SLC2A13: variants seen among roughly 807,000 people sequenced by gnomAD.
SLC2A13 encodes solute carrier family 2 member 13, also known as proton myo-inositol cotransporter.
A neutral mutation model predicts 64.4 loss-of-function variants in SLC2A13; 32 were observed. The ratio of observed to expected loss-of-function variants is 0.50; its 90% CI spans 0.37 to 0.67. The LOEUF (loss-of-function observed/expected upper bound fraction) is 0.67. SLC2A13 is among the 30% of genes least tolerant of loss of function. SLC2A13 has a pLI of 0.00. For synonymous variants in SLC2A13, 338 were observed against 327.1 expected, an observed-to-expected ratio of 1.03 and a Z score of -0.36; for missense variants, 743 against 829.2, an observed-to-expected ratio of 0.90 and a Z score of 1.28.
chr12:39,880,901 T>A (rs1037810915), intron 4 of SLC2A13, among the ~76,000 whole-genome samples: 1 of 152,182 alleles, frequency 6.6e-6, no homozygotes, highest in Non-Finnish European at 1.5e-5. Flanking sequence ...ATTTGCCACA[T>A]TGACCTATTA....
intron 7 of SLC2A13, among the ~76,000 whole-genome samples, chr12:39,804,534 T>TTAACTTA (rs1941905392): frequency 2.0e-5 from 3 of 152,186 alleles, no homozygotes; most frequent in Non-Finnish European, 4.4e-5. Context: ...TATTCCCTGA[T>TTAACTTA]TTCTTAGCTT....
chr12:40,060,504 C>T (rs1317224277), intron 1 of SLC2A13, among the ~76,000 whole-genome samples: 1 of 151,958 alleles, frequency 6.6e-6, no homozygotes, highest in Non-Finnish European at 1.5e-5. Context: ...TGTTTTTTTG[C>T]TTTAGCTTTT....
intron 1 of SLC2A13, among the ~76,000 whole-genome samples, chr12:40,064,788 A>G (rs946272397): frequency 3.3e-5 from 5 of 152,156 alleles, no homozygotes; most frequent in African/African-American, 1.2e-4. Context: ...ATCACAGTGA[A>G]TCATTAGTTA....
chr12:40,048,063 T>C lies in SLC2A13; in HGVS notation c.704A>G (p.Lys235Arg). ...VVDGAFSYLQ[K>R]DGWRYMLGLA... The stretch of plus-strand genomic sequence containing the variant: ...AGTATTTACAAACCTCCATCCATCC[T>C]TCTGGAGATAACTGAAGGCTCCATC... The change falls in exon 2 of 10, where the codon AAG becomes AGG. Residue 235 changes from lysine to arginine, a missense_variant. Physicochemically the swap from Lys to Arg is conservative, Grantham distance 26. This residue lies in a region of SLC2A13 where 448 missense variants were observed against 447.4 expected (regional missense o/e 1.00). Coordinates refer to ENST00000280871, the MANE Select transcript of SLC2A13 (RefSeq NM_052885.4). 1.2e-6 allele frequency: 2 copies of C among 1,607,792 alleles called. No homozygotes were observed. The highest frequency in any genetic ancestry group is 1.7e-6 in the Non-Finnish European group (2 of 1,178,294).
intron 1 of SLC2A13, among the ~76,000 whole-genome samples, chr12:40,055,753 T>C (rs910573107): frequency 6.6e-6 from 1 of 152,160 alleles, no homozygotes; most frequent in Non-Finnish European, 1.5e-5. Flanking sequence ...TAATCACTCA[T>C]AGATAACCAC....
intron 6 of SLC2A13, among the ~76,000 whole-genome samples, chr12:39,853,593 C>A (rs1343095321): frequency 6.6e-6 from 1 of 150,488 alleles, no homozygotes; most frequent in Non-Finnish European, 1.5e-5. Flanking sequence ...TTCCTTCCTT[C>A]CTTTTCTTTC....
At chr12:39,831,995 T>C (rs1367124576) in intron 6 of SLC2A13, among the ~76,000 whole-genome samples, 1 of 152,112 alleles carries the variant, frequency 6.6e-6, no homozygotes, top group Non-Finnish European at 1.5e-5. Flanking sequence ...GTTTAAAAAT[T>C]AGATTTGTTA....
chr12:39,782,637 C>T (rs4768180), intron 7 of SLC2A13, among the ~76,000 whole-genome samples: 140,280 of 152,232 alleles, frequency 0.92, 65,128 homozygotes, highest in East Asian at 1. Context: ...AAAAGATACC[C>T]GAAAATGTGA....
chr12:39,816,545 G>A (rs898682439), intron 7 of SLC2A13, among the ~76,000 whole-genome samples: 8 of 149,554 alleles, frequency 5.3e-5, no homozygotes, highest in African/African-American at 1.2e-4. Flanking sequence ...AAACCTGCAC[G>A]TTGTGCACAT....
At chr12:40,043,860 A>T (rs1948132241) in intron 2 of SLC2A13, among the ~76,000 whole-genome samples, 1 of 152,190 alleles carries the variant, frequency 6.6e-6, no homozygotes, top group Non-Finnish European at 1.5e-5. Flanking sequence ...GTTTACTAGG[A>T]CATGGAAAAA....
rs200822447 is a variant in SLC2A13, at chr12:40,021,119, C to CT, written c.925+7181dup. Among the ~76,000 whole-genome samples, 366 of 152,304 alleles carry CT rather than the reference C, an allele frequency of 2.4e-3. 3 individuals carry two copies. Among genetic ancestry groups the CT allele is most frequent in the Admixed American group, 0.022 (337 of 15,300 alleles). ...AAAGCTTTGAAGTATTACCTATCTA[C>CT]TTACTAAGACAATCTGGATTCTCAG... is the stretch of plus-strand genomic sequence containing the variant. On this transcript the variant is annotated intron_variant, in intron 3 of 9. Coordinates refer to ENST00000280871, the MANE Select transcript of SLC2A13 (RefSeq NM_052885.4).
At chr12:39,874,644 C>T (rs1022187232) in intron 4 of SLC2A13, among the ~76,000 whole-genome samples, 2 of 145,130 alleles carry the variant, frequency 1.4e-5, no homozygotes, top group Non-Finnish European at 3.0e-5. Flanking sequence ...AGAATGCATA[C>T]AAATGAGAAG....
intron 7 of SLC2A13, among the ~76,000 whole-genome samples, chr12:39,820,715 A>C (rs1942470008): frequency 2.3e-5 from 1 of 43,392 alleles, no homozygotes; most frequent in Non-Finnish European, 4.4e-5. Context: ...AAATTTTTAA[A>C]TTTATATATA....
At chr12:39,820,701 G>A (rs1421745886) in intron 7 of SLC2A13, among the ~76,000 whole-genome samples, 1 of 65,798 alleles carries the variant, frequency 1.5e-5, no homozygotes, top group Non-Finnish European at 3.0e-5. Flanking sequence ...ATAATCTTCG[G>A]CTTAAATTTT....
chr12:40,054,680 TCACCATCTCAACAGCACA>T (rs1159312840), intron 1 of SLC2A13, among the ~76,000 whole-genome samples: 2 of 152,240 alleles, frequency 1.3e-5, no homozygotes, highest in Non-Finnish European at 1.5e-5. Flanking sequence ...CCAAGCTGAT[TCACCATCTCAACAGCACA>T]AAACGCTCTG....
At chr12:40,024,025 G>C (rs1172961242) in intron 3 of SLC2A13, among the ~76,000 whole-genome samples, 2 of 152,326 alleles carry the variant, frequency 1.3e-5, no homozygotes, top group African/African-American at 2.4e-5. Context: ...CAAAGGGCCT[G>C]CCTCTCTTCA....
chr12:39,812,995 A>ATTTT, intron 7 of SLC2A13, among the ~76,000 whole-genome samples: 2 of 13,160 alleles, frequency 1.5e-4, no homozygotes, highest in African/African-American at 2.1e-4. Flanking sequence ...ATGCCCAGCT[A>ATTTT]ATTTTTTTTT....
At chr12:39,877,081 C>A (rs980809872) in intron 4 of SLC2A13, among the ~76,000 whole-genome samples, 2 of 152,056 alleles carry the variant, frequency 1.3e-5, no homozygotes, top group Admixed American at 1.3e-4. Flanking sequence ...AAAAGAGGTT[C>A]TTTTAACTAA....
At chr12:40,001,384 A>G (rs1446755931) in intron 3 of SLC2A13, among the ~76,000 whole-genome samples, 1 of 152,230 alleles carries the variant, frequency 6.6e-6, no homozygotes, top group Non-Finnish European at 1.5e-5. Flanking sequence ...AGGTGAATGG[A>G]TGTATTTTCA....
Sources: gnomAD v4.1 joint callset for allele counts (sites outside exome capture counted in the v4.1 genomes callset) on GRCh38, gnomAD v4.1.1 for gene constraint, gnomAD v4.1.1 regional missense constraint, MANE v1.5 for transcripts, NCBI Gene and HGNC (gene_info 2026-07-23, HGNC 2026-07-21) for gene names.